IL1RAPL2: variants seen among roughly 807,000 people sequenced by gnomAD.
The protein encoded by IL1RAPL2 is X-linked interleukin-1 receptor accessory protein-like 2.
A neutral mutation model predicts 44.1 loss-of-function variants in IL1RAPL2; 3 were observed. That is an observed-to-expected ratio of 0.07 (90% confidence interval 0.03 to 0.18). The LOEUF is 0.18. Ranked by LOEUF, IL1RAPL2 falls within the 10% of genes least tolerant of loss-of-function variation. The probability of loss-of-function intolerance (pLI) is 1.00; values close to 1 mark genes in which losing one functional copy is unlikely to be tolerated. For synonymous variants in IL1RAPL2, 181 were observed against 178.8 expected, an observed-to-expected ratio of 1.01 and a Z score of -0.10; for missense variants, 391 against 496.4, an observed-to-expected ratio of 0.79 and a Z score of 2.02.
intron 2 of IL1RAPL2, among the ~76,000 whole-genome samples, chrX:104,979,672 A>G (rs2030401636): frequency 8.9e-6 from 1 of 112,462 alleles, no homozygotes; most frequent in African/African-American, 3.2e-5. Context: ...AATGCAGATT[A>G]AAATGAGTGG....
chrX:104,674,110 C>T (rs1039966758), intron 2 of IL1RAPL2, among the ~76,000 whole-genome samples: 3 of 111,677 alleles, frequency 2.7e-5, no homozygotes, highest in African/African-American at 6.5e-5. Flanking sequence ...TGCCTAATTG[C>T]CCTGGCCAGA....
intron 2 of IL1RAPL2, among the ~76,000 whole-genome samples, chrX:104,686,732 A>G (rs1930995431): frequency 8.9e-6 from 1 of 112,049 alleles, no homozygotes; most frequent in African/African-American, 3.2e-5. Context: ...GTGAACATAA[A>G]TACACTCCCA....
chrX:105,374,262 G>A (rs1380040749), intron 5 of IL1RAPL2, among the ~76,000 whole-genome samples: 1 of 111,195 alleles, frequency 9.0e-6, no homozygotes, highest in Non-Finnish European at 1.9e-5. Flanking sequence ...TTGAAGTCAA[G>A]TAGTGTGATG....
chrX:105,112,515 G>A (rs1045665564), intron 2 of IL1RAPL2, among the ~76,000 whole-genome samples: 10 of 112,324 alleles, frequency 8.9e-5, no homozygotes, highest in African/African-American at 2.9e-4. Flanking sequence ...TGCTATGCAC[G>A]AATGACAGTG....
In IL1RAPL2 at chrX:105,404,386, C is replaced by A. The variant is rs189533790; in HGVS notation, c.698-79927C>A. Among the ~76,000 whole-genome samples, 3 of 112,085 alleles carry A rather than the reference C, an allele frequency of 2.7e-5. No homozygotes were observed. The East Asian group carries it at 8.4e-4, about 32-fold the overall frequency. On this transcript the variant is annotated intron_variant, in intron 5 of 10. Transcript: ENST00000372582. Reference sequence around the variant, plus strand: ...GATATGTTCTCACCTCTTTTCCCAGCCCCTAGGTTACCTCATCACACCACC... The same window carrying A: ...GATATGTTCTCACCTCTTTTCCCAGACCCTAGGTTACCTCATCACACCACC...
intron 8 of IL1RAPL2, among the ~76,000 whole-genome samples, chrX:105,743,945 A>G (rs2038520154): frequency 8.9e-6 from 1 of 111,943 alleles, no homozygotes; most frequent in South Asian, 3.7e-4. Context: ...AAAAGACCTC[A>G]GGTCCCAGGA....
intron 2 of IL1RAPL2, among the ~76,000 whole-genome samples, chrX:105,014,126 T>G (rs2031121044): frequency 8.9e-6 from 1 of 111,898 alleles, no homozygotes; most frequent in East Asian, 2.8e-4. Flanking sequence ...AAGGTTTTTT[T>G]TAGCCCTTGA....
At chrX:104,977,614 C>T (rs1001756257) in intron 2 of IL1RAPL2, among the ~76,000 whole-genome samples, 14 of 111,818 alleles carry the variant, frequency 1.3e-4, no homozygotes, top group African/African-American at 4.6e-4. Context: ...CCAGATAACA[C>T]AGGGCAGGTG....
intron 7 of IL1RAPL2, among the ~76,000 whole-genome samples, chrX:105,727,051 A>G (rs1208054626): frequency 1.3e-4 from 14 of 110,635 alleles, no homozygotes; most frequent in Admixed American, 7.7e-4. Flanking sequence ...TTTTTTAAAC[A>G]TACCTCCCAT....
At chrX:105,697,571 G>A (rs1408897657) in intron 6 of IL1RAPL2, among the ~76,000 whole-genome samples, 1 of 110,471 alleles carries the variant, frequency 9.1e-6, no homozygotes, top group Non-Finnish European at 1.9e-5. Flanking sequence ...AGCGGACATG[G>A]TAGCTTAAAG....
chrX:105,372,698 T>C (rs2035352561), intron 5 of IL1RAPL2, among the ~76,000 whole-genome samples: 1 of 111,576 alleles, frequency 9.0e-6, no homozygotes, highest in South Asian at 3.7e-4. Context: ...ATTCTCATTA[T>C]TTAGCTCCCA....
chrX:104,672,477 T>C (rs1930630909), intron 2 of IL1RAPL2, among the ~76,000 whole-genome samples: 1 of 108,623 alleles, frequency 9.2e-6, no homozygotes. Context: ...GTGCCACATT[T>C]TCTTAATCCA....
chrX:104,846,337 C>A (rs749915861), intron 2 of IL1RAPL2, among the ~76,000 whole-genome samples: 6 of 109,759 alleles, frequency 5.5e-5, no homozygotes, highest in Admixed American at 9.8e-5. Context: ...CTAATGCTAT[C>A]CCTCCCCCCT....
intron 6 of IL1RAPL2, among the ~76,000 whole-genome samples, chrX:105,695,982 G>A (rs978390251): frequency 1.8e-5 from 2 of 111,814 alleles, no homozygotes; most frequent in South Asian, 7.5e-4. Context: ...TAGAGGACTG[G>A]GAAATAGATT....
intron 6 of IL1RAPL2, among the ~76,000 whole-genome samples, chrX:105,665,334 TATGCGCGTGC>T (rs1304531161): frequency 4.4e-5 from 4 of 91,489 alleles, no homozygotes; most frequent in African/African-American, 1.7e-4. Flanking sequence ...GCCTTTATTT[TATGCGCGTGC>T]GTGTGTGTGT....
At chrX:104,636,641 C>T (rs1602655999) in intron 1 of IL1RAPL2, among the ~76,000 whole-genome samples, 1 of 112,145 alleles carries the variant, frequency 8.9e-6, no homozygotes, top group East Asian at 2.8e-4. Flanking sequence ...ACCCTCCAAG[C>T]CATGCATGGG....
Position 105,513,397 on chromosome X carries a change from C to T in IL1RAPL2, c.772+29010C>T, listed in dbSNP as rs142108996. Among the ~76,000 whole-genome samples, 55 of 111,580 alleles carry T rather than the reference C, an allele frequency of 4.9e-4. 2 individuals are homozygous for T. The highest frequency in any genetic ancestry group is 1.6e-3 in the African/African-American group (49 of 30,748). ...TACACTCCCACCAACAGCATAAAAG[C>T]GTTCCTATTTCTCCACATCCTCTCT... is the stretch of plus-strand genomic sequence containing the variant. On this transcript the variant is annotated intron_variant, in intron 6 of 10. Transcript: ENST00000372582.
intron 2 of IL1RAPL2, among the ~76,000 whole-genome samples, chrX:104,764,400 A>T (rs1438562448): frequency 8.9e-6 from 1 of 111,750 alleles, no homozygotes; most frequent in Non-Finnish European, 1.9e-5. Context: ...TTGTATATTG[A>T]TTTTGTATCC....
At chrX:105,247,276 G>T (rs995009989) in intron 4 of IL1RAPL2, among the ~76,000 whole-genome samples, 7 of 110,545 alleles carry the variant, frequency 6.3e-5, no homozygotes, top group African/African-American at 2.3e-4. Context: ...AGATTCAAAC[G>T]CTGAAATTCT....
Sources: allele counts gnomAD v4.1 joint callset (sites outside exome capture counted in the v4.1 genomes callset), GRCh38; gene constraint gnomAD v4.1.1; transcripts MANE v1.5; gene names NCBI Gene and HGNC (gene_info 2026-07-23, HGNC 2026-07-21).